Variants in SLFN12L observed in about 807,000 individuals in gnomAD.
SLFN12L encodes schlafen family member 12-like.
SLFN12L carries 34 observed loss-of-function variants against 34.8 expected under a neutral mutation model. That is an observed-to-expected ratio of 0.98 (90% CI 0.74 to 1.30). The LOEUF (loss-of-function observed/expected upper bound fraction) is 1.30, where lower values mean the gene tolerates loss of function less well. SLFN12L is among the 50% of genes most tolerant of loss of function. The pLI, the probability that SLFN12L is intolerant of heterozygous loss-of-function variation, is 0.00. For missense variants in SLFN12L, 703 were observed against 696.2 expected (o/e 1.01, Z -0.11); for synonymous variants, 259 against 247.5 (o/e 1.05, Z -0.44).
chr17:35,471,547 A>AC lies in SLFN12L; in HGVS notation c.*3375dup. 6.6e-6 allele frequency among the ~76,000 whole-genome samples: 1 copy of AC among 152,348 alleles called. No homozygotes were observed. Among genetic ancestry groups the AC allele is most frequent in the South Asian group, 2.1e-4 (1 of 4,830 alleles). On this transcript the variant is annotated 3_prime_UTR_variant, in exon 5 of 5. Transcript: ENST00000628453. ...TTCTAGATCCTTGAGGAATCGCCAC[A>AC]CTGTCTTCCACAATGGTTGAACTAA...
chr17:35,488,369 A>G (rs2142138020), intron 2 of SLFN12L, among the ~76,000 whole-genome samples: 1 of 152,330 alleles, frequency 6.6e-6, no homozygotes. Flanking sequence ...AGGTGCGAGG[A>G]GCGGGTTGCT....
intron 2 of SLFN12L, among the ~76,000 whole-genome samples, chr17:35,496,177 G>A (rs2142145615): frequency 6.6e-6 from 1 of 152,042 alleles, no homozygotes; most frequent in Non-Finnish European, 1.5e-5. Context: ...CATCCCTGGG[G>A]AATGAGGTTC....
intron 2 of SLFN12L, among the ~76,000 whole-genome samples, chr17:35,510,602 A>G (rs1915606954): frequency 6.6e-6 from 1 of 152,164 alleles, no homozygotes; most frequent in Admixed American, 6.5e-5. Flanking sequence ...GGACAAGGAG[A>G]ATGAGAGTGA....
At chr17:35,517,113 A>G (rs1397888681) in intron 2 of SLFN12L, among the ~76,000 whole-genome samples, 2 of 152,260 alleles carry the variant, frequency 1.3e-5, no homozygotes, top group African/African-American at 2.4e-5. Context: ...TAAACAAATT[A>G]AGAAAACAAA....
At chr17:35,489,048 C>A (rs1376906951) in intron 2 of SLFN12L, among the ~76,000 whole-genome samples, 1 of 152,136 alleles carries the variant, frequency 6.6e-6, no homozygotes, top group African/African-American at 2.4e-5. Flanking sequence ...CCAGCCTAGG[C>A]GACAGAGCGA....
intron 1 of SLFN12L, among the ~76,000 whole-genome samples, chr17:35,525,118 G>T (rs1469409108): frequency 6.6e-6 from 1 of 151,784 alleles, no homozygotes; most frequent in African/African-American, 2.4e-5. Context: ...AGAGACTGAA[G>T]ATCAACTTAA....
chr17:35,505,134 A>G (rs1915425410), intron 2 of SLFN12L, among the ~76,000 whole-genome samples: 1 of 152,244 alleles, frequency 6.6e-6, no homozygotes, highest in Non-Finnish European at 1.5e-5. Flanking sequence ...GGTGGGTGAC[A>G]GTTAATAAAA....
Position 35,474,932 on chromosome 17 carries a change from G to GA in SLFN12L, c.1829dup (p.Arg612GlufsTer37). ...GGTGACAGAGTGAGACTCATCTCAA[G>GA]AAAAAACAAACAAACCAACAAACAA... On this transcript the variant is annotated frameshift_variant, in exon 5 of 5. Transcript: ENST00000628453. LOFTEE classifies it high-confidence loss of function. 4 of 1,544,874 alleles carry GA rather than the reference G, an allele frequency of 2.6e-6. No individual in the cohort carries two copies. Among genetic ancestry groups the GA allele is most frequent in the Non-Finnish European group, 3.5e-6 (4 of 1,144,746 alleles).
In SLFN12L at chr17:35,469,048, T is replaced by G. The variant is rs190543949; in HGVS notation, c.*5875A>C. On this transcript the variant is annotated 3_prime_UTR_variant, in exon 5 of 5. Coordinates refer to ENST00000628453, the MANE Select transcript of SLFN12L (RefSeq NM_001363830.2). ...GATAACAAAAATTAATGGATAGTAT[T>G]GCCTTTCTCTGAAGGCTGTTGCCTC... Among the ~76,000 whole-genome samples the G allele has an allele frequency of 2.5e-3, 383 of 151,786 alleles. 1 individual carries two copies. Among genetic ancestry groups the G allele is most frequent in the African/African-American group, 8.5e-3 (353 of 41,342 alleles).
At chr17:35,492,735 G>A (rs892787652) in intron 2 of SLFN12L, among the ~76,000 whole-genome samples, 4 of 152,144 alleles carry the variant, frequency 2.6e-5, no homozygotes, top group African/African-American at 9.7e-5. Flanking sequence ...TCCAAGAATG[G>A]CTTTCCCTCG....
intron 1 of SLFN12L, among the ~76,000 whole-genome samples, chr17:35,535,402 G>A (rs1012124227): frequency 8.0e-5 from 12 of 150,068 alleles, no homozygotes; most frequent in African/African-American, 2.5e-4. Context: ...TCTCCACGTT[G>A]TTCAGGCTGG....
At chr17:35,478,024 G>T (rs1914113116) in intron 4 of SLFN12L, 51 bp downstream of exon 4, 5 of 1,126,016 alleles carry the variant, frequency 4.4e-6, no homozygotes, top group Admixed American at 4.4e-5. Flanking sequence ...AAGAGAAGGA[G>T]GTTTGAACAC....
In SLFN12L at chr17:35,471,329, G is replaced by T. The variant is rs1567637086; in HGVS notation, c.*3594C>A. 6.6e-6 allele frequency among the ~76,000 whole-genome samples: 1 copy of T among 151,982 alleles called. No homozygotes were observed. Among genetic ancestry groups the T allele is most frequent in the Non-Finnish European group, 1.5e-5 (1 of 67,986 alleles). On this transcript the variant is annotated 3_prime_UTR_variant, in exon 5 of 5. Coordinates refer to ENST00000628453, the MANE Select transcript of SLFN12L (RefSeq NM_001363830.2). ...TTCTTGTATTTTTAGTAGAAATGGG[G>T]TTTCACCATGTTGGCCAGGCTGGTC...
intron 1 of SLFN12L, among the ~76,000 whole-genome samples, chr17:35,532,926 A>G (rs1019121835): frequency 1.3e-5 from 2 of 152,174 alleles, no homozygotes; most frequent in African/African-American, 4.8e-5. Context: ...AAAAACTTCA[A>G]AATCATATAA....
At chr17:35,489,559 A>G (rs1914748089) in intron 2 of SLFN12L, among the ~76,000 whole-genome samples, 2 of 151,910 alleles carry the variant, frequency 1.3e-5, no homozygotes, top group Admixed American at 6.6e-5. Flanking sequence ...GTCCGTATAT[A>G]TATGTACATA....
In SLFN12L at chr17:35,471,290, C is replaced by T. The variant is rs2142120031; in HGVS notation, c.*3633G>A. On this transcript the variant is annotated 3_prime_UTR_variant, in exon 5 of 5. Transcript: ENST00000628453. ...TAGCTGGGATTACAGACGCCTACCA[C>T]CACTCCCAGCTAATTCTTGTATTTT... Among the ~76,000 whole-genome samples the T allele has an allele frequency of 6.6e-6, 1 of 152,118 alleles. No homozygotes were observed. The highest frequency in any genetic ancestry group is 2.1e-4 in the South Asian group (1 of 4,814).
chr17:35,496,455 T>A (rs761961770), intron 2 of SLFN12L, among the ~76,000 whole-genome samples: 3 of 152,080 alleles, frequency 2.0e-5, no homozygotes, highest in Non-Finnish European at 4.4e-5. Context: ...AGCCCCGCGT[T>A]TCCTCCTGGA....
rs1913756704 is a variant in SLFN12L at position 35,468,920 on chromosome 17, G to T, written c.*6003C>A. ...AGTCCCAGCTACTCAAGAGTCTGAG[G>T]CAGGAGAATCTCTTGATGTCGGGAG... On this transcript the variant is annotated 3_prime_UTR_variant, in exon 5 of 5. Transcript: ENST00000628453. Among the ~76,000 whole-genome samples the T allele has an allele frequency of 6.6e-6, 1 of 152,122 alleles. No individual in the cohort carries two copies. Among genetic ancestry groups the T allele is most frequent in the Non-Finnish European group, 1.5e-5 (1 of 68,026 alleles).
chr17:35,490,029 C>A, intron 2 of SLFN12L: 1 of 1,601,054 alleles, frequency 6.2e-7, no homozygotes, highest in East Asian at 2.2e-5. Flanking sequence ...ACCACGAACA[C>A]TTCCACCACC....
Sources: gnomAD v4.1 joint callset for allele counts (sites outside exome capture counted in the v4.1 genomes callset) on GRCh38, gnomAD v4.1.1 for gene constraint, MANE v1.5 for transcripts, NCBI Gene and HGNC (gene_info 2026-07-23, HGNC 2026-07-21) for gene names.